Variants in ZDHHC17 observed in about 807,000 individuals in gnomAD.
ZDHHC17 encodes palmitoyltransferase ZDHHC17.
ZDHHC17 carries 40 observed loss-of-function variants against 90.3 expected under a neutral mutation model. The observed-to-expected ratio is 0.44, with a 90% CI of 0.34 to 0.58. ZDHHC17 has a LOEUF of 0.58. ZDHHC17 is among the 20% of genes least tolerant of loss of function. The probability of loss-of-function intolerance (pLI) is 0.01; values close to 1 mark genes in which losing one functional copy is unlikely to be tolerated. For synonymous variants in ZDHHC17, 235 were observed against 252.4 expected (o/e 0.93, Z 0.65); for missense variants, 614 against 780.8 (o/e 0.79, Z 2.55).
At chr12:76,798,941 G>C (rs1952854778) in intron 2 of ZDHHC17, among the ~76,000 whole-genome samples, 1 of 152,072 alleles carries the variant, frequency 6.6e-6, no homozygotes, top group Non-Finnish European at 1.5e-5. Context: ...TCCAACATTG[G>C]GGATTACAAT....
chr12:76,813,341 T>G (rs941578661), intron 5 of ZDHHC17: 1 of 450,668 alleles, frequency 2.2e-6, no homozygotes, highest in Non-Finnish European at 4.4e-6. Flanking sequence ...ACTTGCATAT[T>G]GGAAATGTTG....
chr12:76,849,337 A>AC, intron 15 of ZDHHC17, 39 bp from the exon 16 acceptor site: 3 of 1,128,028 alleles, frequency 2.7e-6, no homozygotes, highest in Non-Finnish European at 3.7e-6. Context: ...AAAAAAAAAA[A>AC]AAAACAAGAA....
intron 2 of ZDHHC17, 21 bp downstream of exon 2, chr12:76,797,558 G>T: frequency 6.5e-7 from 1 of 1,535,596 alleles, no homozygotes; most frequent in Non-Finnish European, 8.8e-7. Context: ...TGTTGTAGTT[G>T]TTTTCTTTGG....
intron 7 of ZDHHC17, among the ~76,000 whole-genome samples, chr12:76,819,795 G>C (rs1020184544): frequency 5.3e-5 from 8 of 151,956 alleles, no homozygotes; most frequent in Admixed American, 1.3e-4. Context: ...TCAGGAGTTC[G>C]AGACCAGCCT....
intron 1 of ZDHHC17, among the ~76,000 whole-genome samples, chr12:76,774,100 A>C (rs565720687): frequency 2.1e-4 from 32 of 152,110 alleles, no homozygotes; most frequent in African/African-American, 7.5e-4. Flanking sequence ...AAATAAAAGA[A>C]TTAGCTGGGT....
intron 1 of ZDHHC17, among the ~76,000 whole-genome samples, chr12:76,784,923 A>G (rs1215097853): frequency 6.6e-6 from 1 of 152,206 alleles, no homozygotes; most frequent in African/African-American, 2.4e-5. Context: ...TTGCTCGTTG[A>G]CTTTCTGGAA....
intron 2 of ZDHHC17, among the ~76,000 whole-genome samples, chr12:76,800,266 T>A (rs1353531182): frequency 6.6e-6 from 1 of 152,218 alleles, no homozygotes; most frequent in East Asian, 1.9e-4. Context: ...TGATATTTGC[T>A]TAGGAATTGT....
intron 13 of ZDHHC17, among the ~76,000 whole-genome samples, 161 bp downstream of exon 13, chr12:76,845,963 A>AG (rs1442862059): frequency 1.3e-5 from 2 of 152,116 alleles, no homozygotes; most frequent in Non-Finnish European, 2.9e-5. Flanking sequence ...TGAGAGAGGG[A>AG]GGGAAAAAAA....
chr12:76,806,489 A>G (rs1952954841), intron 3 of ZDHHC17, among the ~76,000 whole-genome samples: 1 of 152,156 alleles, frequency 6.6e-6, no homozygotes. Context: ...AAAATGAAAT[A>G]TAGGCCTGCG....
At chr12:76,764,735 G>A (rs949013377) in intron 1 of ZDHHC17, 1 of 467,204 alleles carries the variant, frequency 2.1e-6, no homozygotes, top group Non-Finnish European at 4.3e-6. Context: ...CCTTCGCCAG[G>A]GTGAATGACG....
chr12:76,840,767 C>G (rs1038658171), intron 10 of ZDHHC17, among the ~76,000 whole-genome samples: 1 of 152,168 alleles, frequency 6.6e-6, no homozygotes. Flanking sequence ...AAAGTTCATT[C>G]AGTATTTAAT....
At chr12:76,777,445 A>T (rs372929011) in intron 1 of ZDHHC17, among the ~76,000 whole-genome samples, 1 of 152,322 alleles carries the variant, frequency 6.6e-6, no homozygotes, top group East Asian at 1.9e-4. Context: ...ATTGAAGATT[A>T]TCTGGGTTGT....
At chr12:76,778,497 A>G (rs1300145475) in intron 1 of ZDHHC17, among the ~76,000 whole-genome samples, 2 of 152,204 alleles carry the variant, frequency 1.3e-5, no homozygotes, top group African/African-American at 2.4e-5. Context: ...TGCTGGGATT[A>G]CAGGCATGAG....
rs1953174865 is a variant in ZDHHC17 at position 76,822,427 on chromosome 12, G to A, written c.793G>A (p.Ala265Thr). 1 of 1,613,746 alleles carries A rather than the reference G, an allele frequency of 6.2e-7. No homozygotes were observed. The highest frequency in any genetic ancestry group is 8.5e-7 in the Non-Finnish European group (1 of 1,179,784). The change falls in exon 8 of 17, where the codon GCA becomes ACA. Residue 265 changes from alanine to threonine, a missense_variant. Physicochemically the swap from Ala to Thr is moderately conservative, Grantham distance 58 (BLOSUM62 0). This residue lies in a region of ZDHHC17 where 358 missense variants were observed against 380.4 expected (regional missense o/e 0.94). Transcript: ENST00000426126. ...TCAGGGCGAATCAGCGCTTGATTTG[G>A]CAAAACAGAGAAAAAATGTGTGGAT... The part of the protein sequence containing the change: ...NIKGESALDL[A>T]KQRKNVWMIN...
intron 1 of ZDHHC17, among the ~76,000 whole-genome samples, chr12:76,786,172 A>G (rs887345135): frequency 6.6e-6 from 1 of 150,942 alleles, no homozygotes; most frequent in Non-Finnish European, 1.5e-5. Context: ...CCAGGAGTGC[A>G]GTGGTGTGAT....
intron 1 of ZDHHC17, among the ~76,000 whole-genome samples, chr12:76,770,770 T>C (rs541598828): frequency 1.3e-5 from 2 of 152,114 alleles, no homozygotes; most frequent in African/African-American, 4.8e-5. Context: ...AAACCCCGTC[T>C]CTACTAAAAA....
At chr12:76,795,375 C>CA (rs1226917422) in intron 1 of ZDHHC17, among the ~76,000 whole-genome samples, 1 of 152,026 alleles carries the variant, frequency 6.6e-6, no homozygotes, top group Non-Finnish European at 1.5e-5. Flanking sequence ...GGGTGGGGTC[C>CA]AAGTGTACAT....
intron 8 of ZDHHC17, among the ~76,000 whole-genome samples, chr12:76,823,450 G>A (rs576597838): frequency 1.6e-4 from 25 of 152,286 alleles, no homozygotes; most frequent in African/African-American, 6.0e-4. Flanking sequence ...CCCCAGAGAG[G>A]GGGTCTAGGT....
At chr12:76,798,184 A>G (rs987269147) in intron 2 of ZDHHC17, among the ~76,000 whole-genome samples, 2 of 152,202 alleles carry the variant, frequency 1.3e-5, no homozygotes, top group Non-Finnish European at 2.9e-5. Context: ...AGGTACACAG[A>G]TTAGAAATAA....
Sources: gnomAD v4.1 joint callset for allele counts (sites outside exome capture counted in the v4.1 genomes callset) on GRCh38, gnomAD v4.1.1 for gene constraint, gnomAD v4.1.1 regional missense constraint, MANE v1.5 for transcripts, NCBI Gene and HGNC (gene_info 2026-07-23, HGNC 2026-07-21) for gene names.